RP1L1: variants seen among roughly 807,000 people sequenced by gnomAD.
The protein encoded by RP1L1 is retinitis pigmentosa 1-like 1 protein.
RP1L1 carries 27 observed loss-of-function variants against 15.7 expected under a neutral mutation model. The observed-to-expected ratio is 1.72, with a 90% CI of 1.27 to 2.38. RP1L1 has a LOEUF of 2.38. Among genes scored for constraint, RP1L1 ranks in the 30% most tolerant of loss-of-function variants. The probability of loss-of-function intolerance (pLI) is 0.00; values close to 1 mark genes in which losing one functional copy is unlikely to be tolerated. For synonymous variants in RP1L1, 1,813 were observed against 1,276.7 expected, an observed-to-expected ratio of 1.42 and a Z score of -8.96; for missense variants, 4,798 against 3,075.9, an observed-to-expected ratio of 1.56 and a Z score of -13.24.
intron 1 of RP1L1, among the ~76,000 whole-genome samples, chr8:10,641,906 A>G (rs1343349357): frequency 3.9e-5 from 6 of 152,244 alleles, no homozygotes. Context: ...AATGGAGAAT[A>G]GATTAACATT....
intron 1 of RP1L1, among the ~76,000 whole-genome samples, chr8:10,634,213 C>G (rs191036955): frequency 6.6e-6 from 1 of 152,194 alleles, no homozygotes; most frequent in African/African-American, 2.4e-5. Context: ...TGACACCACC[C>G]GACTTATCCA....
intron 1 of RP1L1, among the ~76,000 whole-genome samples, chr8:10,641,857 A>T (rs1025803024): frequency 7.9e-5 from 12 of 152,242 alleles, no homozygotes; most frequent in African/African-American, 2.9e-4. Flanking sequence ...ACACACAAAA[A>T]ATTGAACCCA....
chr8:10,612,193 C>A lies in RP1L1; in HGVS notation c.1905G>T (p.Gln635His). 2 of 1,613,370 alleles carry A rather than the reference C, an allele frequency of 1.2e-6. No homozygotes were observed. The highest frequency in any genetic ancestry group is 1.7e-6 in the Non-Finnish European group (2 of 1,180,012). ...GGCTTCTGTGCCTTCTCTGCCCCTG[C>A]TGGGATGAAGTGCAGGTGGAAGGGG... The part of the protein sequence containing the change: ...SSTPSTCTSS[Q>H]QGQRRHRSRA... The change falls in exon 4 of 4, where the codon CAG (glutamine) becomes CAT (histidine). Residue 635 changes from glutamine (Q) to histidine (H), a missense_variant. Physicochemically the swap from Gln to His is conservative, Grantham distance 24. Transcript: ENST00000382483.
At chr8:10,629,485 T>C (rs1413483232) in intron 1 of RP1L1, among the ~76,000 whole-genome samples, 2 of 152,142 alleles carry the variant, frequency 1.3e-5, no homozygotes, top group Non-Finnish European at 2.9e-5. Context: ...GGAATTAGGA[T>C]TGGCCAGGGT....
chr8:10,608,777 C>A lies in RP1L1; in HGVS notation c.5321G>T (p.Gly1774Val). 6.2e-7 allele frequency: 1 copy of A among 1,614,226 alleles called. No homozygotes were observed. The highest frequency in any genetic ancestry group is 1.1e-5 in the South Asian group (1 of 91,090). Residue 1774 changes from glycine to valine, a missense_variant, in exon 4 of 4, where the codon GGG becomes GTG. Coordinates refer to ENST00000382483, the MANE Select transcript of RP1L1 (RefSeq NM_178857.6). Reference sequence around the variant, plus strand: ...ACTGGTTTCACTGTTGTGGGTTTTCCCTTCTCTCTCCTGAGCCATTGCATC... The same window carrying A: ...ACTGGTTTCACTGTTGTGGGTTTTCACTTCTCTCTCCTGAGCCATTGCATC... Reference protein sequence around the residue: ...EGDAMAQEREGKTHNSETSAG... With the variant: ...EGDAMAQEREVKTHNSETSAG...
At chr8:10,618,315 C>T (rs958270941) in intron 2 of RP1L1, among the ~76,000 whole-genome samples, 2 of 151,842 alleles carry the variant, frequency 1.3e-5, no homozygotes, top group African/African-American at 4.8e-5. Context: ...GCCTGGGCAT[C>T]ATGGTGAAAC....
intron 1 of RP1L1, among the ~76,000 whole-genome samples, chr8:10,631,327 A>ATG (rs1798242651): frequency 1.7e-5 from 1 of 58,066 alleles, no homozygotes; most frequent in Non-Finnish European, 4.9e-5. Flanking sequence ...ACACACGCAC[A>ATG]CACACATGCA....
chr8:10,622,053 G>C (rs780056533), intron 2 of RP1L1, among the ~76,000 whole-genome samples: 1 of 152,070 alleles, frequency 6.6e-6, no homozygotes, highest in African/African-American at 2.4e-5. Context: ...TGGGCATGGT[G>C]GCTCATGCCT....
chr8:10,623,154 G>C lies in RP1L1; in HGVS notation c.48C>G (p.Cys16Trp), dbSNP rs768383097. 2 of 1,598,556 alleles carry C rather than the reference G, an allele frequency of 1.3e-6. No homozygotes were observed. The highest frequency in any genetic ancestry group is 3.4e-5 in the Admixed American group (2 of 59,272). ...RNAQAPSHRE[C>W]FLPSVARTPS... ...GGGTGCGAGCCACAGAGGGCAGGAA[G>C]CACTCACGGTGGCTCGGGGCCTGGG... The change falls in exon 2 of 4, where the codon TGC (cysteine) becomes TGG (tryptophan). Residue 16 changes from cysteine (C) to tryptophan (W), a missense_variant. Transcript: ENST00000382483.
intron 2 of RP1L1, among the ~76,000 whole-genome samples, chr8:10,618,572 G>A: frequency 6.6e-6 from 1 of 151,894 alleles, no homozygotes. Context: ...TGTGCCTGTA[G>A]TCCCAGCTGC....
intron 1 of RP1L1, among the ~76,000 whole-genome samples, chr8:10,645,257 A>G (rs6601497): frequency 0.99 from 151,091 of 152,300 alleles, 74,959 homozygotes; most frequent in East Asian, 1. Context: ...AACCCAGAAG[A>G]TTGAGGCTTC....
intron 3 of RP1L1, among the ~76,000 whole-genome samples, chr8:10,616,194 C>T (rs1032969469): frequency 6.6e-6 from 1 of 152,156 alleles, no homozygotes; most frequent in African/African-American, 2.4e-5. Context: ...CAGACATGAG[C>T]CACCATGCCC....
chr8:10,634,131 G>A (rs570066954), intron 1 of RP1L1, among the ~76,000 whole-genome samples: 2 of 152,232 alleles, frequency 1.3e-5, no homozygotes, highest in African/African-American at 4.8e-5. Context: ...GAAGTGATGG[G>A]AGCATAACAT....
intron 1 of RP1L1, among the ~76,000 whole-genome samples, chr8:10,654,082 G>C (rs1019275801): frequency 2.0e-5 from 3 of 152,170 alleles, no homozygotes; most frequent in African/African-American, 7.2e-5. Context: ...CAGCCGCGCT[G>C]GACCTCGTCT....
At chr8:10,646,007 G>A (rs540081349) in intron 1 of RP1L1, among the ~76,000 whole-genome samples, 4 of 152,296 alleles carry the variant, frequency 2.6e-5, no homozygotes, top group South Asian at 4.1e-4. Flanking sequence ...CTCAGGACGG[G>A]CAGACTGAGC....
In RP1L1 at chr8:10,636,223, C is replaced by G. The variant is rs144042297; in HGVS notation, c.-19-13003G>C. ...GGTCTATAACAAGAGTTCCAGGACA[C>G]CCAATATCTTGGCTTTAAAGAAGGG... On this transcript the variant is annotated intron_variant, in intron 1 of 3. Coordinates refer to ENST00000382483, the MANE Select transcript of RP1L1 (RefSeq NM_178857.6). 3.9e-5 allele frequency among the ~76,000 whole-genome samples: 6 copies of G among 152,306 alleles called. No homozygotes were observed. In the East Asian group the frequency reaches 1.2e-3, roughly 29 times the overall value.
chr8:10,631,087 G>A (rs554161601), intron 1 of RP1L1, among the ~76,000 whole-genome samples: 6 of 152,232 alleles, frequency 3.9e-5, no homozygotes, highest in Admixed American at 1.3e-4. Flanking sequence ...TGGGAGCCAT[G>A]GTCGACTTCG....
In RP1L1 at chr8:10,623,196, G is replaced by A. The variant is rs747821159; in HGVS notation, c.6C>T (p.Asn2=). The A allele has an allele frequency of 2.6e-6, 4 of 1,557,796 alleles. No homozygotes were observed. In the East Asian group the frequency reaches 6.8e-5, roughly 26 times the overall value. ...GGGCCTGGGCATTCCTGGGGGTGCT[G>A]TTCATGGTGTGGGGGCTCTGGCCGC... M[N]STPRNAQAPS... The change falls in exon 2 of 4, where the codon AAC becomes AAT. Residue 2 remains asparagine (N), a synonymous_variant. Transcript: ENST00000382483.
chr8:10,619,911 A>T (rs185674609), intron 2 of RP1L1, among the ~76,000 whole-genome samples: 119 of 151,514 alleles, frequency 7.9e-4, no homozygotes, highest in African/African-American at 2.6e-3. Flanking sequence ...CAGTGAGCCA[A>T]GATCATGCCA....
Sources: allele counts gnomAD v4.1 joint callset (sites outside exome capture counted in the v4.1 genomes callset), GRCh38; gene constraint gnomAD v4.1.1; transcripts MANE v1.5; gene names NCBI Gene and HGNC (gene_info 2026-07-23, HGNC 2026-07-21).